The following DHRS12 variants were observed in gnomAD, a reference collection of about 807,000 sequenced individuals.
DHRS12 encodes dehydrogenase/reductase 12, also known as dehydrogenase/reductase SDR family member 12.
In DHRS12, 29 loss-of-function variants were observed where a neutral mutation model predicts 32.1. The observed-to-expected ratio is 0.90, with a 90% CI of 0.67 to 1.23. DHRS12 has a LOEUF of 1.23. DHRS12 is among the 50% of genes most tolerant of loss of function. The probability of loss-of-function intolerance (pLI) is 0.00; values close to 1 mark genes in which losing one functional copy is unlikely to be tolerated. For synonymous variants in DHRS12, 150 were observed against 135.9 expected (o/e 1.10, Z -0.72); for missense variants, 330 against 337.2 (o/e 0.98, Z 0.17).
chr13:51,800,500 C>G (rs1022305767), intron 1 of DHRS12, among the ~76,000 whole-genome samples: 2 of 152,238 alleles, frequency 1.3e-5, no homozygotes, highest in Middle Eastern at 3.2e-3. Flanking sequence ...TCTGCCCACG[C>G]ACAGGCAGGC....
At chr13:51,788,206 T>C (rs1422573699) in intron 4 of DHRS12, among the ~76,000 whole-genome samples, 2 of 151,982 alleles carry the variant, frequency 1.3e-5, no homozygotes, top group Admixed American at 1.3e-4. Flanking sequence ...TAACCAGTCC[T>C]GCGGAACAGT....
intron 2 of DHRS12, among the ~76,000 whole-genome samples, chr13:51,795,066 C>A (rs903671226): frequency 2.0e-5 from 3 of 152,166 alleles, no homozygotes; most frequent in African/African-American, 7.2e-5. Flanking sequence ...TGGCCAAACA[C>A]CTGATCTTAC....
intron 4 of DHRS12, among the ~76,000 whole-genome samples, chr13:51,786,382 C>T (rs1306987161): frequency 1.3e-5 from 2 of 152,182 alleles, no homozygotes; most frequent in African/African-American, 4.8e-5. Context: ...CCTCCCTCTC[C>T]CATCTGTCTT....
chr13:51,796,606 T>C (rs566743360), intron 2 of DHRS12, among the ~76,000 whole-genome samples: 1 of 152,314 alleles, frequency 6.6e-6, no homozygotes, highest in African/African-American at 2.4e-5. Context: ...TTAAATATAC[T>C]TTTTAAAGCC....
At chr13:51,771,328 G>T (rs778899902) in intron 7 of DHRS12, 5 of 1,596,668 alleles carry the variant, frequency 3.1e-6, no homozygotes, top group African/African-American at 1.3e-5. Flanking sequence ...CAATCCGGAA[G>T]AGAATTCTGC....
At position 51,799,687 on chromosome 13, in the gene DHRS12, AG is replaced by A. The variant is rs773784218; in HGVS notation, c.-8-21del. 9.9e-6 allele frequency: 16 copies of A among 1,612,030 alleles called. No homozygotes were observed. The highest frequency in any genetic ancestry group is 1.6e-4 in the Middle Eastern group (1 of 6,072). ...CCACTCCTAGAAAGAGGAGACCCAC[AG>A]GAAGACCAGCTGTAAGGAGTGGGGA... On this transcript the variant is annotated intron_variant, in intron 1 of 8. Transcript: ENST00000444610.
intron 7 of DHRS12, chr13:51,771,021 T>C (rs1034063469): frequency 1.4e-5 from 20 of 1,424,848 alleles, no homozygotes; most frequent in South Asian, 6.2e-5. Context: ...CAGCAGTGTG[T>C]GAGAGCCTGA....
intron 3 of DHRS12, among the ~76,000 whole-genome samples, chr13:51,790,674 A>T (rs1287027298): frequency 1.3e-5 from 2 of 151,994 alleles, no homozygotes. Context: ...CACATCAGAA[A>T]CTCTTCGGAT....
At chr13:51,791,324 A>T (rs1179088736) in intron 2 of DHRS12, 67 bp from the exon 3 acceptor site, 10 of 966,578 alleles carry the variant, frequency 1.0e-5, no homozygotes, top group African/African-American at 5.0e-5. Flanking sequence ...TTTTAATTTT[A>T]AAAAAGTATA....
chr13:51,790,577 A>G (rs906013320), intron 3 of DHRS12, among the ~76,000 whole-genome samples: 4 of 152,198 alleles, frequency 2.6e-5, no homozygotes, highest in African/African-American at 9.7e-5. Context: ...CACTTACACC[A>G]CATCTCAGTT....
In DHRS12 at chr13:51,776,859, G is replaced by A. The variant is rs1011284771; in HGVS notation, c.363+201C>T. Among the ~76,000 whole-genome samples the A allele has an allele frequency of 6.6e-5, 10 of 152,114 alleles. No individual in the cohort carries two copies. In the East Asian group the frequency reaches 7.7e-4, roughly 12 times the overall value. On this transcript the variant is annotated intron_variant, in intron 5 of 8. Coordinates refer to ENST00000444610, the MANE Select transcript of DHRS12 (RefSeq NM_001377533.1). ...GCCGGAGTGGGGGTCGGGGGTTGGG[G>A]GGGTTCAGAGAGGGCTGGGGTCTGA...
At chr13:51,792,264 GTTT>G (rs981133367) in intron 2 of DHRS12, among the ~76,000 whole-genome samples, 8 of 151,970 alleles carry the variant, frequency 5.3e-5, no homozygotes, top group Non-Finnish European at 1.2e-4. Flanking sequence ...AACATTTTTT[GTTT>G]TTTGTTTTTT....
At chr13:51,797,238 T>A (rs1203668080) in intron 2 of DHRS12, among the ~76,000 whole-genome samples, 1 of 152,242 alleles carries the variant, frequency 6.6e-6, no homozygotes, top group Non-Finnish European at 1.5e-5. Context: ...AAGCTTGGTT[T>A]AATGTCCTGC....
chr13:51,768,139 C>T lies in DHRS12; in HGVS notation c.*48G>A. 6.5e-7 allele frequency: 1 copy of T among 1,535,532 alleles called. No individual in the cohort carries two copies. The highest frequency in any genetic ancestry group is 8.7e-7 in the Non-Finnish European group (1 of 1,146,520). On this transcript the variant is annotated 3_prime_UTR_variant, in exon 9 of 9. Coordinates refer to ENST00000444610, the MANE Select transcript of DHRS12 (RefSeq NM_001377533.1). Reference sequence around the variant, plus strand: ...TTCACTGGTCCCTAGACCGCACCTTCTGGTATCTTCTAAGGCAATTCTGGT... The same window carrying T: ...TTCACTGGTCCCTAGACCGCACCTTTTGGTATCTTCTAAGGCAATTCTGGT...
downstream of DHRS12, chr13:51,767,797 G>GGGGGT (rs1555269036): frequency 2.9e-5 from 2 of 69,076 alleles, 1 homozygote; most frequent in Non-Finnish European, 5.4e-5. Context: ...GGGGGGGGGG[G>GGGGGT]TGCACAGCGC....
At chr13:51,796,712 C>T (rs1593564953) in intron 2 of DHRS12, among the ~76,000 whole-genome samples, 3 of 152,170 alleles carry the variant, frequency 2.0e-5, no homozygotes, top group African/African-American at 4.8e-5. Context: ...GCAGCACCAC[C>T]GAAAGTTATC....
chr13:51,771,558 GGGCGCCCCA>G, intron 7 of DHRS12: 1 of 1,594,212 alleles, frequency 6.3e-7, no homozygotes, highest in Non-Finnish European at 8.5e-7. Context: ...GTAGTTAGCA[GGGCGCCCCA>G]GGCGCACCTG....
chr13:51,758,256 A>T, the DHRS12 span: 1 of 1,602,512 alleles, frequency 6.2e-7, no homozygotes. Context: ...TTTCGATGCA[A>T]CCAGAGGATG....
rs1288388008 is a variant in DHRS12 at position 51,770,422 on chromosome 13, T to G, written c.560-1129A>C. ...GGGCTTGCCAAGCAGATTTTAAACATCTGAGCTGATGCTGGGATTGTCAGA... is the reference window on the plus strand; with the variant it reads ...GGGCTTGCCAAGCAGATTTTAAACAGCTGAGCTGATGCTGGGATTGTCAGA... On this transcript the variant is annotated intron_variant, in intron 7 of 8. Transcript: ENST00000444610. 4.6e-5 allele frequency among the ~76,000 whole-genome samples: 7 copies of G among 152,294 alleles called. No individual in the cohort carries two copies. In the East Asian group the frequency reaches 1.4e-3, roughly 29 times the overall value.
Sources: gnomAD v4.1 joint callset for allele counts (sites outside exome capture counted in the v4.1 genomes callset) on GRCh38, gnomAD v4.1.1 for gene constraint, MANE v1.5 for transcripts, NCBI Gene and HGNC (gene_info 2026-07-23, HGNC 2026-07-21) for gene names.